PLXNB3: variants seen among roughly 807,000 people sequenced by gnomAD.
PLXNB3 encodes plexin B3.
PLXNB3 carries 80 observed loss-of-function variants against 125.7 expected under a neutral mutation model. The observed-to-expected ratio is 0.64, with a 90% CI of 0.53 to 0.77. The LOEUF (loss-of-function observed/expected upper bound fraction) is 0.77, where lower values mean the gene tolerates loss of function less well. Among genes scored for constraint, PLXNB3 ranks in the 30% least tolerant of loss-of-function variants. PLXNB3 has a pLI of 0.00. For missense variants in PLXNB3, 1,836 were observed against 1,729.3 expected, an observed-to-expected ratio of 1.06 and a Z score of -1.09; for synonymous variants, 954 against 783.3, an observed-to-expected ratio of 1.22 and a Z score of -3.64.
In PLXNB3 at chrX:153,778,014, G is replaced by A. The variant is rs782053012; in HGVS notation, c.5328G>A (p.Ser1776=). The change falls in exon 32 of 36, where the codon TCG becomes TCA. Residue 1776 remains serine (S), a synonymous_variant. Transcript: ENST00000361971. ...AGCTCATCTTTGATGTACGGGTGTC[G>A]GACAATGTGGACGCCATCCTTGCTG... ...NPQLIFDVRV[S]DNVDAILAVI... is the part of the protein sequence containing the mutation. The A allele has an allele frequency of 6.6e-6, 8 of 1,211,435 alleles. No homozygotes were observed. The highest frequency in any genetic ancestry group is 7.8e-6 in the Non-Finnish European group (7 of 895,141).
chrX:153,770,463 G>A lies in PLXNB3; in HGVS notation c.1895+17G>A, dbSNP rs369080139. On this transcript the variant is annotated intron_variant, in intron 9 of 35. Coordinates refer to ENST00000361971, the MANE Select transcript of PLXNB3 (RefSeq NM_005393.3). ...GGCTGCCCCGTGAGTCCCTGGGCCT[G>A]CCTCCTGGGGTAGGGGTGGCGACCC... 1 of 1,199,585 alleles carries A rather than the reference G, an allele frequency of 8.3e-7. No individual in the cohort carries two copies. Among genetic ancestry groups the A allele is most frequent in the African/African-American group, 1.7e-5 (1 of 57,471 alleles).
chrX:153,767,239 G>T lies in PLXNB3; in HGVS notation c.412G>T (p.Gly138Cys). ...ELVACGQVRQ[G>C]VCETRRLGDV... is the part of the protein sequence containing the mutation. ...GGTGGCCTGCGGGCAGGTGCGGCAG[G>T]GCGTGTGTGAGACACGGCGCCTTGG... Residue 138 changes from glycine (G) to cysteine (C), a missense_variant, in exon 3 of 36, where the codon GGC becomes TGC. Coordinates refer to ENST00000361971, the MANE Select transcript of PLXNB3 (RefSeq NM_005393.3). 1 of 1,205,184 alleles carries T rather than the reference G, an allele frequency of 8.3e-7. No homozygotes were observed. The highest frequency in any genetic ancestry group is 1.1e-6 in the Non-Finnish European group (1 of 892,634).
rs782138978 is a variant in PLXNB3, at chrX:153,770,078, C to T, written c.1630-14C>T. ...TCTGGCTACATCTCCCGGTTTCTCCCCGCTGCATCCCAGGTCACTTTGTCT... is the reference window on the plus strand; with the variant it reads ...TCTGGCTACATCTCCCGGTTTCTCCTCGCTGCATCCCAGGTCACTTTGTCT... On this transcript the variant is annotated splice_polypyrimidine_tract_variant and intron_variant, in intron 7 of 35. Transcript: ENST00000361971. 2 of 1,207,723 alleles carry T rather than the reference C, an allele frequency of 1.7e-6. No individual in the cohort carries two copies. Among genetic ancestry groups the T allele is most frequent in the African/African-American group, 3.5e-5 (2 of 57,477 alleles).
chrX:153,771,336 G>A lies in PLXNB3; in HGVS notation c.2280G>A (p.Glu760=). 1.7e-6 allele frequency: 2 copies of A among 1,209,604 alleles called. No homozygotes were observed. The highest frequency in any genetic ancestry group is 1.1e-6 in the Non-Finnish European group (1 of 893,734). ...HQFYPSMSQR[E]LPVPIYVTQG... ...TTTATCCCTCCATGTCCCAGCGGGA[G>A]CTCCCAGTGCCCATCTACGTCACCC... is the stretch of plus-strand genomic sequence containing the variant. The change falls in exon 13 of 36, where the codon GAG becomes GAA. Residue 760 remains glutamate (E), a synonymous_variant. Transcript: ENST00000361971.
rs1454784342 is a variant in PLXNB3, at chrX:153,771,321, C to T, written c.2265C>T (p.Ser755=). 2 of 1,206,986 alleles carry T rather than the reference C, an allele frequency of 1.7e-6. No homozygotes were observed. Among genetic ancestry groups the T allele is most frequent in the African/African-American group, 3.5e-5 (2 of 57,445 alleles). Residue 755 remains serine, a synonymous_variant, in exon 13 of 36, where the codon TCC becomes TCT. Transcript: ENST00000361971. The stretch of plus-strand genomic sequence containing the variant: ...CACTCTGCCCACAGTTTTATCCCTC[C>T]ATGTCCCAGCGGGAGCTCCCAGTGC... ...IHCQAHQFYP[S]MSQRELPVPI...
At chrX:153,772,402 G>C (rs1162310705) in intron 16 of PLXNB3, 115 bp downstream of exon 16, 1 of 569,781 alleles carries the variant, frequency 1.8e-6, no homozygotes, top group Non-Finnish European at 2.8e-6. Flanking sequence ...AAGCACCGCT[G>C]CATGTCTAGG....
intron 4 of PLXNB3, 104 bp from the exon 5 acceptor site, chrX:153,768,844 G>A (rs781794974): frequency 2.1e-6 from 2 of 960,373 alleles, no homozygotes; most frequent in South Asian, 2.3e-5. Context: ...CGGCAGGAAG[G>A]GGAACTGGCT....
At position 153,774,808 on chromosome X, in the gene PLXNB3, T is replaced by C; in HGVS notation, c.3931+2T>C. On this transcript the variant is annotated splice_donor_variant, in intron 23 of 35. Coordinates refer to ENST00000361971, the MANE Select transcript of PLXNB3 (RefSeq NM_005393.3). LOFTEE classifies it high-confidence loss of function. ...ACCAGTGCCGCAAGGAGTTCACAGGTGGGTGCGGAGGCGGGGGGACAGGGT... is the reference window on the plus strand; with the variant it reads ...ACCAGTGCCGCAAGGAGTTCACAGGCGGGTGCGGAGGCGGGGGGACAGGGT... 8.3e-7 allele frequency: 1 copy of C among 1,209,318 alleles called. No homozygotes were observed. Among genetic ancestry groups the C allele is most frequent in the South Asian group, 1.8e-5 (1 of 56,748 alleles).
chrX:153,769,216 C>G lies in PLXNB3; in HGVS notation c.1450C>G (p.Leu484Val). Residue 484 changes from leucine (L) to valine (V), a missense_variant, in exon 6 of 36, where the codon CTC becomes GTC. Leu to Val is a conservative substitution (Grantham distance 32, BLOSUM62 1). Transcript: ENST00000361971. The stretch of plus-strand genomic sequence containing the variant: ...CCAGTTCCCTGACTGTGCCAGCTGC[C>G]TCCAGGCCCAGGACCCGCTGTGTGG... ...CPQFPDCASC[L>V]QAQDPLCGWC... The G allele has an allele frequency of 8.5e-7, 1 of 1,179,329 alleles. No homozygotes were observed. The highest frequency in any genetic ancestry group is 1.1e-6 in the Non-Finnish European group (1 of 879,151).
Position 153,776,369 on chromosome X carries a change from C to T in PLXNB3, c.4743C>T (p.Gly1581=). 10 of 1,194,782 alleles carry T rather than the reference C, an allele frequency of 8.4e-6. No individual in the cohort carries two copies. Among genetic ancestry groups the T allele is most frequent in the Non-Finnish European group, 9.0e-6 (8 of 885,217 alleles). Reference sequence around the variant, plus strand: ...GACTCCCTCCAGAGTGGCGCTCAGGCCTGGCTGGTCACCTGACCCTATCGG... The same window carrying T: ...GACTCCCTCCAGAGTGGCGCTCAGGTCTGGCTGGTCACCTGACCCTATCGG... The part of the protein sequence containing the change: ...VHALDLEWRS[G]LAGHLTLSDE... The change falls in exon 28 of 36, where the codon GGC becomes GGT. Residue 1581 remains glycine (G), a synonymous_variant. Coordinates refer to ENST00000361971, the MANE Select transcript of PLXNB3 (RefSeq NM_005393.3).
rs782749596 is a variant in PLXNB3 at position 153,770,741 on chromosome X, G to A, written c.2011-17G>A. The A allele has an allele frequency of 4.2e-5, 50 of 1,203,184 alleles. 1 individual carries two copies. In the South Asian group the frequency reaches 8.7e-4, roughly 21 times the overall value. On this transcript the variant is annotated splice_polypyrimidine_tract_variant and intron_variant, in intron 10 of 35. Coordinates refer to ENST00000361971, the MANE Select transcript of PLXNB3 (RefSeq NM_005393.3). ...GCCCTTTGAGTTCTGAAGGGCTGAG[G>A]GCTCTTGTTTTCCCAGGTGGACATC...
At chrX:153,772,331 G>A (rs782484024) in intron 16 of PLXNB3, 44 bp downstream of exon 16, 2 of 981,512 alleles carry the variant, frequency 2.0e-6, no homozygotes, top group Non-Finnish European at 2.9e-6. Context: ...GAGGGTAGGA[G>A]GGAGGGCCAG....
rs782765277 is a variant in PLXNB3, at chrX:153,767,417, C to T, written c.590C>T (p.Ser197Leu). Residue 197 changes from serine (S) to leucine (L), a missense_variant, in exon 3 of 36, where the codon TCG becomes TTG. By Grantham distance (145) the Ser-to-Leu change is moderately radical. Transcript: ENST00000361971. ...LVARGLAGKL[S>L]AGVPPLAIRQ... ...GCCAGAGGCCTGGCGGGCAAGCTGT[C>T]GGCAGGGGTGCCACCCCTGGCCATC... The T allele has an allele frequency of 5.0e-5, 59 of 1,184,623 alleles. No homozygotes were observed. Among genetic ancestry groups the T allele is most frequent in the Non-Finnish European group, 6.6e-5 (58 of 881,198 alleles).
At position 153,768,278 on chromosome X, in the gene PLXNB3, C is replaced by T. The variant is rs782595075; in HGVS notation, c.1116C>T (p.Asp372=). The part of the protein sequence containing the change: ...LDSPESYPCG[D]EHTPSPIAGR... Reference sequence around the variant, plus strand: ...CCCCCGAGTCGTACCCCTGTGGCGACGAGCACACCCCCAGCCCCATTGCTG... The same window carrying T: ...CCCCCGAGTCGTACCCCTGTGGCGATGAGCACACCCCCAGCCCCATTGCTG... Residue 372 remains aspartate, a synonymous_variant, in exon 4 of 36, where the codon GAC becomes GAT. Coordinates refer to ENST00000361971, the MANE Select transcript of PLXNB3 (RefSeq NM_005393.3). 42 of 1,195,794 alleles carry T rather than the reference C, an allele frequency of 3.5e-5. No individual in the cohort carries two copies. The East Asian group carries it at 6.6e-4, about 19-fold the overall frequency.
chrX:153,774,067 G>T lies in PLXNB3; in HGVS notation c.3488G>T (p.Arg1163Leu). 2 of 1,190,353 alleles carry T rather than the reference G, an allele frequency of 1.7e-6. No individual in the cohort carries two copies. Among genetic ancestry groups the T allele is most frequent in the Non-Finnish European group, 2.3e-6 (2 of 884,706 alleles). ...CGCGAGGGGCCTGCCCGCCCCTACC[G>T]CCTCAAGCCAGGCCATGTCCTGGAT... ...LSREGPARPY[R>L]LKPGHVLDVE... The change falls in exon 20 of 36, where the codon CGC (arginine) becomes CTC (leucine). Residue 1163 changes from arginine (R) to leucine (L), a missense_variant. By Grantham distance (102) the Arg-to-Leu change is moderately radical. Transcript: ENST00000361971.
chrX:153,772,827 A>AG (rs2091947695), intron 16 of PLXNB3, 59 bp from the exon 17 acceptor site: 1 of 1,065,790 alleles, frequency 9.4e-7, no homozygotes, highest in Non-Finnish European at 1.2e-6. Context: ...GGCATGGCCC[A>AG]GGGGGGTGAA....
At chrX:153,768,045 T>C in intron 3 of PLXNB3, 132 bp downstream of exon 3, 1 of 789,180 alleles carries the variant, frequency 1.3e-6, no homozygotes, top group Non-Finnish European at 1.8e-6. Flanking sequence ...CCAGGTCTCC[T>C]GCCTGCTCTC....
In PLXNB3 at chrX:153,770,610, G is replaced by C. The variant is rs1185620017; in HGVS notation, c.1978G>C (p.Glu660Gln). ...CTGCGTGTACGGAGAGCACTGCCCAGAGGGCGAGAGGACCATCTACAGCGC... is the reference window on the plus strand; with the variant it reads ...CTGCGTGTACGGAGAGCACTGCCCACAGGGCGAGAGGACCATCTACAGCGC... ...SHCVYGEHCP[E>Q]GERTIYSAQE... is the part of the protein sequence containing the mutation. Residue 660 changes from glutamate to glutamine, a missense_variant, in exon 10 of 36, where the codon GAG becomes CAG. Glu to Gln is a conservative substitution (Grantham distance 29). Transcript: ENST00000361971. The C allele has an allele frequency of 5.8e-6, 7 of 1,210,357 alleles. No individual in the cohort carries two copies. The highest frequency in any genetic ancestry group is 7.8e-6 in the Non-Finnish European group (7 of 895,118).
chrX:153,770,100 G>T lies in PLXNB3; in HGVS notation c.1638G>T (p.Leu546Phe), dbSNP rs782595560. ...HPRQEQGQVTLSVPRLPILDA... is the reference protein window; with the variant it reads ...HPRQEQGQVTFSVPRLPILDA... The stretch of plus-strand genomic sequence containing the variant: ...TCCCCGCTGCATCCCAGGTCACTTT[G>T]TCTGTCCCCCGGCTGCCCATCCTGG... Residue 546 changes from leucine to phenylalanine, a missense_variant, in exon 8 of 36, where the codon TTG becomes TTT. By Grantham distance (22) the Leu-to-Phe change is conservative. Transcript: ENST00000361971. The T allele has an allele frequency of 1.7e-6, 2 of 1,209,681 alleles. No homozygotes were observed. Among genetic ancestry groups the T allele is most frequent in the East Asian group, 3.0e-5 (1 of 33,792 alleles).
Sources: allele counts gnomAD v4.1 joint callset, GRCh38; gene constraint gnomAD v4.1.1; transcripts MANE v1.5; gene names NCBI Gene and HGNC (gene_info 2026-07-23, HGNC 2026-07-21).